USP49: variants seen among roughly 807,000 people sequenced by gnomAD.
USP49 encodes ubiquitin specific peptidase 49.
USP49 carries 24 observed loss-of-function variants against 58.6 expected under a neutral mutation model. The observed-to-expected ratio is 0.41, with a 90% CI of 0.30 to 0.58. The LOEUF (loss-of-function observed/expected upper bound fraction) is 0.58, where lower values mean the gene tolerates loss of function less well. Among genes scored for constraint, USP49 ranks in the 20% least tolerant of loss-of-function variants. The pLI is 0.30. For missense variants in USP49, 703 were observed against 866.1 expected (o/e 0.81, Z 2.36); for synonymous variants, 408 against 365.1 (o/e 1.12, Z -1.34).
chr6:41,806,815 G>A lies in USP49; in HGVS notation c.169C>T (p.His57Tyr). 2 of 1,614,154 alleles carry A rather than the reference G, an allele frequency of 1.2e-6. No homozygotes were observed. The highest frequency in any genetic ancestry group is 1.7e-6 in the Non-Finnish European group (2 of 1,180,040). ...GRYIEDHALKHFEETGHPLAM... is the reference protein window; with the variant it reads ...GRYIEDHALKYFEETGHPLAM... ...AGCGGGTGTCCCGTCTCCTCAAAGT[G>A]TTTCAGGGCGTGGTCCTCAATATAG... The change falls in exon 4 of 8, where the codon CAC (histidine) becomes TAC (tyrosine). Residue 57 changes from histidine to tyrosine, a missense_variant. Transcript: ENST00000682992. This position sits in a 1 kb window ranked among gnomAD's most constrained non-coding sequence, Gnocchi z 5.9.
intron 3 of USP49, among the ~76,000 whole-genome samples, chr6:41,839,923 C>A (rs1345924500): frequency 6.6e-6 from 1 of 151,954 alleles, no homozygotes; most frequent in Non-Finnish European, 1.5e-5. Context: ...ACCAAAATCT[C>A]AGAAATTGCC....
At chr6:41,891,495 T>C (rs754640371) in intron 2 of USP49, among the ~76,000 whole-genome samples, 10 of 152,204 alleles carry the variant, frequency 6.6e-5, no homozygotes, top group Non-Finnish European at 1.5e-4. Context: ...CAAGTTACAA[T>C]TTGCAGTGCT....
intron 2 of USP49, among the ~76,000 whole-genome samples, chr6:41,885,745 G>A (rs910980276): frequency 1.3e-5 from 2 of 152,130 alleles, no homozygotes; most frequent in African/African-American, 4.8e-5. Context: ...GCAGTGAGCC[G>A]AGATCATGCT....
chr6:41,842,724 T>G (rs1482103760), intron 3 of USP49, among the ~76,000 whole-genome samples: 1 of 152,182 alleles, frequency 6.6e-6, no homozygotes, highest in African/African-American at 2.4e-5. Context: ...GGACAACCTC[T>G]GTGCAACTAA....
Position 41,803,727 on chromosome 6 carries a change from A to G in USP49, c.1561+79T>C, listed in dbSNP as rs1333907269. ...AATATCATTAGTGTTACTTTTGACT[A>G]AAGAGGACAAAGCAGCACCTTAAAC... is the stretch of plus-strand genomic sequence containing the variant. On this transcript the variant is annotated intron_variant, in intron 5 of 7. Coordinates refer to ENST00000682992, the MANE Select transcript of USP49 (RefSeq NM_001286554.2). The surrounding 1 kb of genome is among the most constrained non-coding windows in gnomAD (Gnocchi z 4.1). 3 of 1,461,838 alleles carry G rather than the reference A, an allele frequency of 2.1e-6. No homozygotes were observed. Among genetic ancestry groups the G allele is most frequent in the African/African-American group, 1.4e-5 (1 of 71,480 alleles). The allele number at this position is 1,461,838 out of a possible 1,614,324, so 90.6% of individuals were successfully genotyped here.
At chr6:41,875,976 T>A (rs1774498238) in intron 2 of USP49, among the ~76,000 whole-genome samples, 1 of 152,056 alleles carries the variant, frequency 6.6e-6, no homozygotes, top group Non-Finnish European at 1.5e-5. Context: ...GTGATCCACC[T>A]GCCTCGGCCT....
intron 3 of USP49, among the ~76,000 whole-genome samples, chr6:41,812,465 G>A (rs1433023942): frequency 2.6e-5 from 4 of 151,344 alleles, no homozygotes; most frequent in African/African-American, 9.7e-5. Context: ...AGGCCGAGAC[G>A]GGCGGATCAC....
chr6:41,816,502 G>A (rs758009012), intron 3 of USP49, among the ~76,000 whole-genome samples: 6 of 151,758 alleles, frequency 4.0e-5, no homozygotes, highest in Non-Finnish European at 7.4e-5. Context: ...TGAAATTTAG[G>A]GTTTCCTTAA....
At chr6:41,833,311 C>T (rs760301923) in intron 3 of USP49, among the ~76,000 whole-genome samples, 3 of 152,028 alleles carry the variant, frequency 2.0e-5, no homozygotes, top group South Asian at 2.1e-4. Context: ...CCACCACGCC[C>T]GGCCTTGACA....
intron 2 of USP49, among the ~76,000 whole-genome samples, chr6:41,877,127 A>G (rs114142713): frequency 1.1e-3 from 170 of 152,358 alleles, no homozygotes; most frequent in African/African-American, 3.9e-3. Context: ...ACTAACATTC[A>G]AAAGTATTAG....
chr6:41,807,927 C>T (rs570764461), intron 3 of USP49, among the ~76,000 whole-genome samples: 1 of 151,834 alleles, frequency 6.6e-6, no homozygotes, highest in Non-Finnish European at 1.5e-5. Flanking sequence ...GTGCGCGCAC[C>T]ACCACACCCG....
At chr6:41,868,261 C>T (rs1486065400) in intron 3 of USP49, among the ~76,000 whole-genome samples, 9 of 152,164 alleles carry the variant, frequency 5.9e-5, no homozygotes, top group Non-Finnish European at 1.5e-5. Flanking sequence ...GAGTAAAGCA[C>T]TTAAAACACT....
chr6:41,860,923 A>G (rs921373672), intron 3 of USP49, among the ~76,000 whole-genome samples: 6 of 151,612 alleles, frequency 4.0e-5, no homozygotes, highest in Middle Eastern at 3.2e-3. Context: ...CTAGCTCAGG[A>G]GTTCGAGACC....
chr6:41,845,085 G>T (rs1773899006), intron 3 of USP49, among the ~76,000 whole-genome samples: 2 of 152,072 alleles, frequency 1.3e-5, no homozygotes, highest in South Asian at 4.2e-4. Context: ...ATTTTTAGTA[G>T]AGACGCTGTT....
intron 3 of USP49, among the ~76,000 whole-genome samples, chr6:41,818,878 T>C (rs1202849343): frequency 6.6e-6 from 1 of 152,112 alleles, no homozygotes; most frequent in Admixed American, 6.6e-5. Flanking sequence ...TGTGATCCAA[T>C]GGCACATAGA....
Position 41,799,838 on chromosome 6 carries a change from T to C in USP49, c.1662A>G (p.Lys554=). The C allele has an allele frequency of 6.2e-7, 1 of 1,613,732 alleles. No individual in the cohort carries two copies. Among genetic ancestry groups the C allele is most frequent in the Non-Finnish European group, 8.5e-7 (1 of 1,179,646 alleles). The change falls in exon 6 of 8, where the codon AAA becomes AAG. Residue 554 remains lysine, a synonymous_variant. Coordinates refer to ENST00000682992, the MANE Select transcript of USP49 (RefSeq NM_001286554.2). ...RLPQVLRLHL[K]RFRWSGRNHR... ...TCCCACAGCAAGCTCACCTGAATCT[T>C]TTAAGGTGCAGCCGGAGAACCTGAG...
rs552911268 is a variant in USP49, at chr6:41,806,492, C to G, written c.492G>C (p.Arg164=). 17 of 1,598,308 alleles carry G rather than the reference C, an allele frequency of 1.1e-5. No homozygotes were observed. In the East Asian group the frequency reaches 1.1e-4, roughly 10 times the overall value. ...GCCGCTGCTCCAGCTTCGCCTGGCC[C>G]CGGGAGCTCTTCTCGAACCACAGCC... The part of the protein sequence containing the change: ...TLRLWFEKSS[R]GQAKLEQRRQ... The change falls in exon 4 of 8, where the codon CGG becomes CGC. Residue 164 remains arginine, a synonymous_variant. Coordinates refer to ENST00000682992, the MANE Select transcript of USP49 (RefSeq NM_001286554.2). This position sits in a 1 kb window ranked among gnomAD's most constrained non-coding sequence, Gnocchi z 5.9.
chr6:41,802,452 A>ATTTTTTTTTTTTTTT (rs1561902624), intron 5 of USP49, among the ~76,000 whole-genome samples: 1 of 63,810 alleles, frequency 1.6e-5, no homozygotes, highest in African/African-American at 7.3e-5. Context: ...TTATTTATTT[A>ATTTTTTTTTTTTTTT]TTTATTTATT....
intron 3 of USP49, among the ~76,000 whole-genome samples, chr6:41,869,133 T>A (rs1774373001): frequency 6.9e-6 from 1 of 145,694 alleles, no homozygotes; most frequent in African/African-American, 2.6e-5. Context: ...ACAATAAAAA[T>A]AGATTACTGT....
Sources: allele counts gnomAD v4.1 joint callset (sites outside exome capture counted in the v4.1 genomes callset), GRCh38; gene constraint gnomAD v4.1.1; non-coding constraint Gnocchi (gnomAD v3.1); transcripts MANE v1.5; gene names NCBI Gene and HGNC (gene_info 2026-07-23, HGNC 2026-07-21).